The following EFHB variants were observed in gnomAD, a reference collection of about 807,000 sequenced individuals.
EFHB encodes the protein EF-hand domain family member B, also known as EF-hand domain-containing family member B.
In EFHB, 91 loss-of-function variants were observed where a neutral mutation model predicts 87.2. The ratio of observed to expected loss-of-function variants is 1.04; its 90% CI spans 0.88 to 1.24. The LOEUF is 1.24. EFHB is among the 50% of genes most tolerant of loss of function. EFHB has a pLI of 0.00. For synonymous variants in EFHB, 325 were observed against 333.6 expected (o/e 0.97, Z 0.28); for missense variants, 1,084 against 998.8 (o/e 1.09, Z -1.15).
At chr3:19,880,307 T>C (rs1241071432) in intron 12 of EFHB, among the ~76,000 whole-genome samples, 1 of 151,962 alleles carries the variant, frequency 6.6e-6, no homozygotes, top group African/African-American at 2.4e-5. Flanking sequence ...TGGAGTGCAG[T>C]GGTGTGATCT....
intron 6 of EFHB, among the ~76,000 whole-genome samples, chr3:19,902,958 C>A (rs1694722054): frequency 6.6e-6 from 1 of 151,906 alleles, no homozygotes; most frequent in African/African-American, 2.4e-5. Flanking sequence ...GGGCGGATCA[C>A]CTGAGGTCAT....
At chr3:19,911,634 A>G (rs973681366) in intron 5 of EFHB, among the ~76,000 whole-genome samples, 30 of 152,088 alleles carry the variant, frequency 2.0e-4, no homozygotes, top group Non-Finnish European at 3.2e-4. Context: ...GAAAAATTCA[A>G]TTGACAAACT....
chr3:19,944,490 T>C (rs1696227327), intron 1 of EFHB, among the ~76,000 whole-genome samples: 1 of 152,184 alleles, frequency 6.6e-6, no homozygotes, highest in African/African-American at 2.4e-5. Context: ...TCTGGGGCTA[T>C]GAAAAAGAAA....
Position 19,884,558 on chromosome 3 carries a change from G to A in EFHB, c.1991C>T (p.Thr664Ile). The stretch of plus-strand genomic sequence containing the variant: ...AATATCTTCTGGCTTTATGAGGAGA[G>A]TTTGTTCAGGTTCTTCAACATTAGC... ...TEANVEEPEQ[T>I]LLIKPEDIVL... The change falls in exon 11 of 13, where the codon ACT (threonine) becomes ATT (isoleucine). Residue 664 changes from threonine (T) to isoleucine (I), a missense_variant. Coordinates refer to ENST00000295824, the MANE Select transcript of EFHB (RefSeq NM_144715.4). The A allele has an allele frequency of 6.2e-7, 1 of 1,613,970 alleles. No individual in the cohort carries two copies. The highest frequency in any genetic ancestry group is 2.2e-5 in the East Asian group (1 of 44,866).
chr3:19,942,143 A>T (rs1696174573), intron 1 of EFHB: 1 of 152,212 alleles, frequency 6.6e-6, no homozygotes, highest in Admixed American at 6.5e-5. Context: ...ACAGAGCGAG[A>T]ATCCATCTCA....
intron 1 of EFHB, among the ~76,000 whole-genome samples, chr3:19,924,216 C>CTT (rs1281280539): frequency 8.0e-4 from 113 of 141,426 alleles, no homozygotes; most frequent in Middle Eastern, 3.7e-3. Context: ...CTCTCTCTCT[C>CTT]TTTTTTTTTT....
chr3:19,894,471 T>C (rs1283444447), intron 9 of EFHB: 1 of 152,254 alleles, frequency 6.6e-6, no homozygotes, highest in Non-Finnish European at 1.5e-5. Context: ...GCAGAATTAA[T>C]TTCATAAGCC....
Position 19,934,035 on chromosome 3 carries a change from T to C in EFHB, c.-17A>G, listed in dbSNP as rs745460171. 1.3e-5 allele frequency: 20 copies of C among 1,574,380 alleles called. No homozygotes were observed. The highest frequency in any genetic ancestry group is 1.7e-4 in the Middle Eastern group (1 of 6,036). ...CATGTTCATGGACGATTTCTCCCCATTCTCATTTCTCCAAGAGCGCTCATC... is the reference window on the plus strand; with the variant it reads ...CATGTTCATGGACGATTTCTCCCCACTCTCATTTCTCCAAGAGCGCTCATC... On this transcript the variant is annotated 5_prime_UTR_variant, in exon 1 of 13. It removes an upstream start codon present in the reference 5' UTR. Coordinates refer to ENST00000295824, the MANE Select transcript of EFHB (RefSeq NM_144715.4).
chr3:19,882,348 T>A (rs921920995), intron 12 of EFHB, among the ~76,000 whole-genome samples: 2 of 152,188 alleles, frequency 1.3e-5, no homozygotes, highest in African/African-American at 4.8e-5. Context: ...AAAATATGAA[T>A]TTGCTCTTTC....
At chr3:19,936,399 C>A, upstream of EFHB, 1 of 486,460 alleles carries the variant, frequency 2.1e-6, no homozygotes. Flanking sequence ...CCTATCCCTA[C>A]AAAAAATTTC....
rs984907150 is a variant in EFHB at position 19,934,189 on chromosome 3, C to T, written c.-171G>A. ...TTCCTGCCTGCCTCTTAACACCTAG[C>T]CGAGTTCACAGAGGAAAAGATGGAG... On this transcript the variant is annotated 5_prime_UTR_variant, in exon 1 of 13. Transcript: ENST00000295824. 4.9e-6 allele frequency: 7 copies of T among 1,440,284 alleles called. No individual in the cohort carries two copies. In the South Asian group the frequency reaches 7.6e-5, roughly 16 times the overall value. 89.2% of individuals were successfully genotyped at this position (1,440,284 alleles called of 1,614,324 possible).
chr3:19,925,402 A>G (rs2929360), intron 1 of EFHB, among the ~76,000 whole-genome samples: 88,124 of 151,956 alleles, frequency 0.58, 26,137 homozygotes, highest in Non-Finnish European at 0.64. Context: ...GTATATGAAT[A>G]CCTCTAATCA....
At chr3:19,889,408 C>G (rs1187346763) in intron 9 of EFHB, among the ~76,000 whole-genome samples, 1 of 152,178 alleles carries the variant, frequency 6.6e-6, no homozygotes, top group African/African-American at 2.4e-5. Flanking sequence ...TTGTTTGTTT[C>G]TGCAGTGAAT....
At chr3:19,939,202 A>T (rs1319918265), upstream of EFHB, among the ~76,000 whole-genome samples, 1 of 151,630 alleles carries the variant, frequency 6.6e-6, no homozygotes, top group Non-Finnish European at 1.5e-5. Context: ...CAACATGCCC[A>T]GCCTACTTTA....
intron 5 of EFHB, among the ~76,000 whole-genome samples, chr3:19,910,709 G>T (rs1695023564): frequency 6.6e-6 from 1 of 152,212 alleles, no homozygotes; most frequent in African/African-American, 2.4e-5. Context: ...GGCCACAGGG[G>T]TACTTGTGTC....
intron 1 of EFHB, among the ~76,000 whole-genome samples, chr3:19,922,274 A>G (rs888557107): frequency 6.6e-6 from 1 of 152,234 alleles, no homozygotes; most frequent in African/African-American, 2.4e-5. Context: ...ATCAGCAGAT[A>G]CAGGAAGAGT....
At chr3:19,936,159 G>C (rs771380352), upstream of EFHB, 4 of 1,403,980 alleles carry the variant, frequency 2.8e-6, no homozygotes, top group South Asian at 2.5e-5. Flanking sequence ...TCAACACTTC[G>C]GGAAGCCAAG....
At chr3:19,932,526 T>C (rs1402200972) in intron 1 of EFHB, among the ~76,000 whole-genome samples, 1 of 152,234 alleles carries the variant, frequency 6.6e-6, no homozygotes, top group Non-Finnish European at 1.5e-5. Context: ...CAAAATGCTC[T>C]AACCTCATTC....
At chr3:19,935,165 C>G (rs538329475), upstream of EFHB, among the ~76,000 whole-genome samples, 1 of 152,130 alleles carries the variant, frequency 6.6e-6, no homozygotes, top group Non-Finnish European at 1.5e-5. Flanking sequence ...CCGCCTCGGC[C>G]TTCCAAAGTG....
Sources: gnomAD v4.1 joint callset for allele counts (sites outside exome capture counted in the v4.1 genomes callset) on GRCh38, gnomAD v4.1.1 for gene constraint, MANE v1.5 for transcripts, NCBI Gene and HGNC (gene_info 2026-07-23, HGNC 2026-07-21) for gene names.